The following HAS3 variants were observed in gnomAD, a reference collection of about 807,000 sequenced individuals.
HAS3 encodes the protein hyaluronan synthase 3.
HAS3 carries 27 observed loss-of-function variants against 50.3 expected under a neutral mutation model. That is an observed-to-expected ratio of 0.54 (90% CI 0.40 to 0.74). The LOEUF is 0.74. HAS3 is among the 30% of genes least tolerant of loss of function. The pLI, the probability that HAS3 is intolerant of heterozygous loss-of-function variation, is 0.00. For missense variants in HAS3, 517 were observed against 742.8 expected (o/e 0.70, Z 3.53); for synonymous variants, 339 against 310.9 (o/e 1.09, Z -0.95).
At chr16:69,118,626 C>CCTTT (rs1961356247), downstream of HAS3, 1 of 703,862 alleles carries the variant, frequency 1.4e-6, no homozygotes, top group South Asian at 1.5e-5. Flanking sequence ...GGCTGGAGAT[C>CCTTT]CTTTCTCTCA....
rs565646761 is a variant in HAS3, at chr16:69,106,821, C to G, written c.-1+1034C>G. 6.6e-6 allele frequency: 1 copy of G among 152,162 alleles called. No individual in the cohort carries two copies. Among genetic ancestry groups the G allele is most frequent in the Non-Finnish European group, 1.5e-5 (1 of 68,042 alleles). 9.4% of individuals were successfully genotyped at this position (152,162 alleles called of 1,614,324 possible). A position where few individuals can be genotyped will look rare whatever the true frequency, so the allele number is the denominator to read the frequency against. On this transcript the variant is annotated intron_variant, in intron 1 of 3. Coordinates refer to ENST00000569188, the MANE Select transcript of HAS3 (RefSeq NM_001199280.2). The surrounding 1 kb of genome is among the most constrained non-coding windows in gnomAD (Gnocchi z 5.5). Reference sequence around the variant, plus strand: ...GGCCTGGAGGGGCCCGGAGGGCGGCCGGGCACAAGAGGAGGAGCCCCGTTG... The same window carrying G: ...GGCCTGGAGGGGCCCGGAGGGCGGCGGGGCACAAGAGGAGGAGCCCCGTTG...
chr16:69,085,581 CTTCT>C, the HAS3 span, among the ~76,000 whole-genome samples: 68 of 149,716 alleles, frequency 4.5e-4, no homozygotes, highest in Non-Finnish European at 2.2e-4. Context: ...TGATCTATTT[CTTCT>C]TTCTTTCTTT....
chr16:69,104,880 A>C (rs1597090545), upstream of HAS3, among the ~76,000 whole-genome samples: 2 of 150,680 alleles, frequency 1.3e-5, no homozygotes, highest in African/African-American at 4.9e-5. Flanking sequence ...AACTTGCGAG[A>C]GGAGAAGTTT....
intron 3 of HAS3, among the ~76,000 whole-genome samples, chr16:69,113,814 G>C (rs1463109052): frequency 2.0e-5 from 3 of 152,180 alleles, no homozygotes; most frequent in Non-Finnish European, 4.4e-5. Context: ...CATCCTAGAA[G>C]GTACTTCCTT....
At chr16:69,113,347 T>C (rs980447684) in intron 2 of HAS3, 94 bp from the exon 3 acceptor site, 19 of 818,716 alleles carry the variant, frequency 2.3e-5, no homozygotes, top group Non-Finnish European at 3.7e-5. Flanking sequence ...GAAGGGGTCA[T>C]GTCTCTCAGG....
the HAS3 span, among the ~76,000 whole-genome samples, chr16:69,088,080 C>G: frequency 4.2e-4 from 64 of 152,052 alleles, 1 homozygote; most frequent in African/African-American, 1.4e-3. Context: ...CATGTAAGAG[C>G]CAGTGTGCCA....
At chr16:69,118,050 T>TA (rs1567584585), downstream of HAS3, 1 of 441,774 alleles carries the variant, frequency 2.3e-6, no homozygotes, top group African/African-American at 2.0e-5. Context: ...TAAGAAAAGA[T>TA]ACAATGCAGG....
upstream of HAS3, among the ~76,000 whole-genome samples, chr16:69,102,193 G>A (rs1375016009): frequency 6.6e-6 from 1 of 152,170 alleles, no homozygotes; most frequent in Non-Finnish European, 1.5e-5. Context: ...CTCAGAGCAG[G>A]GCTTCAGCGT....
the HAS3 span, among the ~76,000 whole-genome samples, chr16:69,100,416 C>T: frequency 6.6e-6 from 1 of 152,164 alleles, no homozygotes; most frequent in African/African-American, 2.4e-5. Context: ...TGGTGGTCAG[C>T]CCAGGGAAAG....
chr16:69,101,450 G>A (rs1217187779), upstream of HAS3, among the ~76,000 whole-genome samples: 1 of 152,028 alleles, frequency 6.6e-6, no homozygotes, highest in East Asian at 1.9e-4. Context: ...ACAGGCATGT[G>A]CCACCACGCT....
chr16:69,117,765 G>C, downstream of HAS3: 1 of 364,086 alleles, frequency 2.7e-6, no homozygotes, highest in Non-Finnish European at 3.8e-6. Context: ...CAAGACCTGG[G>C]CAATATGTCC....
At chr16:69,096,314 T>G in the HAS3 span, among the ~76,000 whole-genome samples, 3 of 151,390 alleles carry the variant, frequency 2.0e-5, no homozygotes, top group East Asian at 5.9e-4. Flanking sequence ...GTGGATCACT[T>G]GAGGTCAGGA....
the HAS3 span, among the ~76,000 whole-genome samples, chr16:69,093,076 CAT>C: frequency 7.9e-5 from 12 of 152,334 alleles, no homozygotes; most frequent in Admixed American, 2.0e-4. Context: ...AAATGTGCAA[CAT>C]AGAAAATGTA....
Position 69,116,686 on chromosome 16 carries a change from T to G in HAS3, c.*1420T>G. On this transcript the variant is annotated 3_prime_UTR_variant, in exon 4 of 4. Coordinates refer to ENST00000569188, the MANE Select transcript of HAS3 (RefSeq NM_001199280.2). ...TCTCTCATGCCTCCTGAGGCTGTTT[T>G]TGGCTGTTTTCCCTCTGCTGCTTTT... 1 of 985,390 alleles carries G rather than the reference T, an allele frequency of 1.0e-6. No individual in the cohort carries two copies. The highest frequency in any genetic ancestry group is 1.2e-6 in the Non-Finnish European group (1 of 829,876). 61.0% of individuals were successfully genotyped at this position (985,390 alleles called of 1,614,324 possible).
At chr16:69,096,955 G>A in the HAS3 span, among the ~76,000 whole-genome samples, 2 of 151,844 alleles carry the variant, frequency 1.3e-5, no homozygotes, top group Non-Finnish European at 2.9e-5. Context: ...CCAGGAGTTC[G>A]AGACCAGCCT....
rs1358949447 is a variant in HAS3 at position 69,113,539 on chromosome 16, C to T, written c.735C>T (p.Val245=). 1.3e-6 allele frequency: 2 copies of T among 1,584,132 alleles called. No homozygotes were observed. The highest frequency in any genetic ancestry group is 1.7e-5 in the Admixed American group (1 of 59,806). ...AAGTAGGGGGAGTCGGGGGAGATGT[C>T]CAGGTAAGATGAGACCAGGGATATC... The part of the protein sequence containing the change: ...DPQVGGVGGD[V]QILNKYDSWI... Residue 245 remains valine, a synonymous_variant, in exon 3 of 4, where the codon GTC becomes GTT. Transcript: ENST00000569188.
chr16:69,084,848 C>T, the HAS3 span: 3,786 of 152,448 alleles, frequency 0.025, 70 homozygotes, highest in Admixed American at 0.041. Flanking sequence ...AGGATCTATA[C>T]ACAAACATGG....
rs1206627242 is a variant in HAS3, at chr16:69,107,356, G to T, written c.-1+1569G>T. 1.0e-6 allele frequency: 1 copy of T among 984,518 alleles called. No homozygotes were observed. Among genetic ancestry groups the T allele is most frequent in the Admixed American group, 6.1e-5 (1 of 16,264 alleles). The allele number at this position is 984,518 out of a possible 1,614,324, so 61.0% of individuals were successfully genotyped here. A position where few individuals can be genotyped will look rare whatever the true frequency, so the allele number is the denominator to read the frequency against. On this transcript the variant is annotated intron_variant, in intron 1 of 3. Coordinates refer to ENST00000569188, the MANE Select transcript of HAS3 (RefSeq NM_001199280.2). The surrounding 1 kb of genome is among the most constrained non-coding windows in gnomAD (Gnocchi z 5.5). ...AGAGGGCCGGCTACACCGGGGATGCGCCTTTGTCTACAGGCACACTTTGCC... is the reference window on the plus strand; with the variant it reads ...AGAGGGCCGGCTACACCGGGGATGCTCCTTTGTCTACAGGCACACTTTGCC...
chr16:69,089,844 G>A, the HAS3 span, among the ~76,000 whole-genome samples: 1 of 152,206 alleles, frequency 6.6e-6, no homozygotes, highest in African/African-American at 2.4e-5. Flanking sequence ...CCCTCCTCCA[G>A]AGTGCCCTCT....
Sources: allele counts gnomAD v4.1 joint callset (sites outside exome capture counted in the v4.1 genomes callset), GRCh38; gene constraint gnomAD v4.1.1; non-coding constraint Gnocchi (gnomAD v3.1); transcripts MANE v1.5; gene names NCBI Gene and HGNC (gene_info 2026-07-23, HGNC 2026-07-21).